Variants in ATG7 observed in about 807,000 individuals in gnomAD.
The protein encoded by ATG7 is ubiquitin-like modifier-activating enzyme ATG7.
ATG7 carries 70 observed loss-of-function variants against 82.4 expected under a neutral mutation model. The ratio of observed to expected loss-of-function variants is 0.85; its 90% CI spans 0.70 to 1.04. ATG7 has a LOEUF of 1.04. ATG7 is among the 50% of genes least tolerant of loss of function. The pLI is 0.00. For missense variants in ATG7, 792 were observed against 864.3 expected (o/e 0.92, Z 1.05); for synonymous variants, 287 against 313.0 (o/e 0.92, Z 0.88).
At chr3:11,451,298 G>C (rs1175358789) in intron 20 of ATG7, among the ~76,000 whole-genome samples, 1 of 150,952 alleles carries the variant, frequency 6.6e-6, no homozygotes, top group Admixed American at 6.6e-5. Context: ...TGAAACCTCG[G>C]CCTCCTGGGT....
chr3:11,438,389 T>G (rs2083558770), intron 20 of ATG7, among the ~76,000 whole-genome samples: 1 of 152,138 alleles, frequency 6.6e-6, no homozygotes, highest in South Asian at 2.1e-4. Flanking sequence ...TTGAAAAGAT[T>G]ACATTGACCA....
intron 18 of ATG7, among the ~76,000 whole-genome samples, chr3:11,374,940 A>G (rs898862922): frequency 2.7e-5 from 4 of 148,548 alleles, no homozygotes; most frequent in Admixed American, 6.8e-5. Flanking sequence ...ATGGTGGCTC[A>G]TGCCTGAAAT....
At chr3:11,562,522 G>A (rs528178408), downstream of ATG7, among the ~76,000 whole-genome samples, 1 of 152,338 alleles carries the variant, frequency 6.6e-6, no homozygotes, top group East Asian at 1.9e-4. Context: ...GCTCTGAGCT[G>A]CAGGATGACA....
At chr3:11,408,978 C>T (rs2080627588) in intron 19 of ATG7, among the ~76,000 whole-genome samples, 1 of 152,132 alleles carries the variant, frequency 6.6e-6, no homozygotes, top group African/African-American at 2.4e-5. Flanking sequence ...ATCTTTGGCT[C>T]ATTTTTTAAT....
At chr3:11,546,463 C>T (rs1041732947) in intron 20 of ATG7, among the ~76,000 whole-genome samples, 3 of 152,150 alleles carry the variant, frequency 2.0e-5, no homozygotes, top group African/African-American at 2.4e-5. Flanking sequence ...TGAGCCACTG[C>T]GCCCAGCCTT....
intron 20 of ATG7, among the ~76,000 whole-genome samples, chr3:11,494,425 G>C (rs748981608): frequency 6.6e-5 from 10 of 152,146 alleles, no homozygotes; most frequent in Non-Finnish European, 1.0e-4. Flanking sequence ...TAAGACAAAT[G>C]TAACTTTAAG....
intron 19 of ATG7, among the ~76,000 whole-genome samples, chr3:11,389,580 G>A (rs765338687): frequency 2.6e-5 from 4 of 152,044 alleles, no homozygotes; most frequent in Non-Finnish European, 5.9e-5. Context: ...CCGCCTGTGT[G>A]GGCCTTAAGC....
At chr3:11,422,204 C>T (rs745621969) in intron 19 of ATG7, among the ~76,000 whole-genome samples, 1 of 152,224 alleles carries the variant, frequency 6.6e-6, no homozygotes, top group Non-Finnish European at 1.5e-5. Flanking sequence ...CAGGCATTGA[C>T]TTCTCCTCTG....
At chr3:11,313,817 C>T (rs577796993) in intron 8 of ATG7, among the ~76,000 whole-genome samples, 10 of 152,270 alleles carry the variant, frequency 6.6e-5, no homozygotes, top group South Asian at 4.1e-4. Context: ...CCAGGCTGGT[C>T]TTCAACACCT....
At chr3:11,278,441 C>T (rs570220913) in intron 1 of ATG7, among the ~76,000 whole-genome samples, 23 of 152,308 alleles carry the variant, frequency 1.5e-4, no homozygotes, top group African/African-American at 5.3e-4. Flanking sequence ...CAGCTCCAGC[C>T]GGTCCCTCCG....
In ATG7 at chr3:11,347,940, A is replaced by C. The variant is rs532089938; in HGVS notation, c.1189A>C (p.Arg397=). The C allele has an allele frequency of 6.8e-6, 11 of 1,614,182 alleles. No individual in the cohort carries two copies. The South Asian group carries it at 1.1e-4, about 16-fold the overall frequency. ...CAAGATCTCCTACTCCAATCCTGTGAGGCAGCCTCTCTATGAGTTTGAAGA... is the reference window on the plus strand; with the variant it reads ...CAAGATCTCCTACTCCAATCCTGTGCGGCAGCCTCTCTATGAGTTTGAAGA... ...NAKISYSNPV[R]QPLYEFEDCL... The change falls in exon 14 of 21, where the codon AGG becomes CGG. Residue 397 remains arginine, a synonymous_variant. Transcript: ENST00000693202.
intron 20 of ATG7, among the ~76,000 whole-genome samples, chr3:11,483,613 T>G (rs2089268141): frequency 2.0e-5 from 3 of 152,240 alleles, no homozygotes; most frequent in African/African-American, 7.2e-5. Context: ...CCATTTTGGC[T>G]TCTTCTGCCA....
chr3:11,328,240 C>G (rs1044498645), intron 9 of ATG7, among the ~76,000 whole-genome samples: 1 of 152,294 alleles, frequency 6.6e-6, no homozygotes, highest in East Asian at 1.9e-4. Context: ...CACTACAGCT[C>G]TATGAAATAA....
intron 9 of ATG7, among the ~76,000 whole-genome samples, chr3:11,328,567 A>G (rs189783705): frequency 1.9e-4 from 29 of 152,362 alleles, no homozygotes; most frequent in African/African-American, 5.8e-4. Context: ...AAAGGTAGCA[A>G]ATATTTTAAA....
chr3:11,479,057 A>G (rs917090555), intron 20 of ATG7, among the ~76,000 whole-genome samples: 1 of 147,084 alleles, frequency 6.8e-6, no homozygotes, highest in Non-Finnish European at 1.5e-5. Flanking sequence ...TACTTTGTGG[A>G]TACTGGCCAC....
In ATG7 at chr3:11,324,647, A is replaced by AT. The variant is rs200854890; in HGVS notation, c.679-6684dup. On this transcript the variant is annotated intron_variant, in intron 9 of 20. Coordinates refer to ENST00000693202, the MANE Select transcript of ATG7 (RefSeq NM_001349232.2). The stretch of plus-strand genomic sequence containing the variant: ...CCTAGTCTTTTCTGCTCAAAAAAAG[A>AT]TTTTTTTTTCACTATTCTACCCCAT... Among the ~76,000 whole-genome samples the AT allele has an allele frequency of 3.9e-3, 597 of 151,574 alleles. 7 individuals carry two copies. Among genetic ancestry groups the AT allele is most frequent in the African/African-American group, 0.013 (544 of 41,316 alleles).
At chr3:11,318,772 A>G (rs1043211050) in intron 9 of ATG7, among the ~76,000 whole-genome samples, 1 of 151,994 alleles carries the variant, frequency 6.6e-6, no homozygotes, top group Non-Finnish European at 1.5e-5. Flanking sequence ...GTGCCCTCCA[A>G]ATGCCGCAGC....
At chr3:11,353,232 A>G (rs2075694251) in intron 14 of ATG7, among the ~76,000 whole-genome samples, 1 of 152,064 alleles carries the variant, frequency 6.6e-6, no homozygotes, top group African/African-American at 2.4e-5. Flanking sequence ...TCACGAGGTC[A>G]AGAGATCGAG....
chr3:11,342,365 C>A (rs1953786521), intron 13 of ATG7, 86 bp downstream of exon 13: 2 of 1,460,510 alleles, frequency 1.4e-6, no homozygotes, highest in Non-Finnish European at 1.8e-6. Context: ...CTTCCATCTC[C>A]CAGCTCCCCA....
Sources: gnomAD v4.1 joint callset for allele counts (sites outside exome capture counted in the v4.1 genomes callset) on GRCh38, gnomAD v4.1.1 for gene constraint, MANE v1.5 for transcripts, NCBI Gene and HGNC (gene_info 2026-07-23, HGNC 2026-07-21) for gene names.